RMRP: variants seen among roughly 807,000 people sequenced by gnomAD.
RMRP encodes the protein RNA component of mitochondrial RNA processing endoribonuclease, also known as RNase MRP RNA.
chr9:35,657,916 C>T lies in RMRP; in HGVS notation n.102G>A, dbSNP rs957362192. On this transcript the variant is annotated non_coding_transcript_exon_variant, in exon 1 of 1. Coordinates refer to ENST00000363046, the Ensembl canonical transcript of RMRP. ...CGGGGAATGTCTACGTGCGTATGCA[C>T]GTGGCACTCTCTGCCCGAGGTCCGG... 8 of 700,070 alleles carry T rather than the reference C, an allele frequency of 1.1e-5. No homozygotes were observed. The East Asian group carries it at 1.3e-4, about 12-fold the overall frequency. The allele number at this position is 700,070 out of a possible 1,614,324, so 43.4% of individuals were successfully genotyped here. A position where few individuals can be genotyped will look rare whatever the true frequency, so the allele number is the denominator to read the frequency against.
At chr9:35,657,819 AGCTGACGGATGACGCCC>A in exon 1 of RMRP, 1 of 700,394 alleles carries the variant, frequency 1.4e-6, no homozygotes, top group African/African-American at 1.7e-5. Context: ...AACTAGAGGG[AGCTGACGGATGACGCCC>A]CCGCGCCACG....
chr9:35,658,019 A>ACGTCCTCAGCTTT, upstream of RMRP: 1 of 690,034 alleles, frequency 1.4e-6, no homozygotes, highest in Non-Finnish European at 2.7e-6. Flanking sequence ...AGCACGAACC[A>ACGTCCTCAGCTTT]CGTCCTCAGC....
chr9:35,657,818 G>T, exon 1 of RMRP: 1 of 692,826 alleles, frequency 1.4e-6, no homozygotes, highest in Non-Finnish European at 2.6e-6. Context: ...TAACTAGAGG[G>T]AGCTGACGGA....
chr9:35,657,771 C>T, exon 1 of RMRP: 2 of 695,614 alleles, frequency 2.9e-6, no homozygotes, highest in Admixed American at 2.0e-5. Flanking sequence ...TGAGAATGAG[C>T]CCCGTGTGGT....
Position 35,657,939 on chromosome 9 carries a change from C to A in RMRP, n.79G>T, listed in dbSNP as rs756128568. The A allele has an allele frequency of 2.9e-6, 2 of 700,454 alleles. No individual in the cohort carries two copies. Among genetic ancestry groups the A allele is most frequent in the South Asian group, 1.5e-5 (1 of 67,508 alleles). The allele number at this position is 700,454 out of a possible 1,614,324, so 43.4% of individuals were successfully genotyped here. On this transcript the variant is annotated non_coding_transcript_exon_variant, in exon 1 of 1. Coordinates refer to ENST00000363046, the Ensembl canonical transcript of RMRP. ...CACGTGGCACTCTCTGCCCGAGGTCCGGGGACTTTCCCCTAGGCGGAAAGG... is the reference window on the plus strand; with the variant it reads ...CACGTGGCACTCTCTGCCCGAGGTCAGGGGACTTTCCCCTAGGCGGAAAGG...
chr9:35,657,979 C>G, exon 1 of RMRP: 1 of 700,426 alleles, frequency 1.4e-6, no homozygotes, highest in Non-Finnish European at 2.6e-6. Flanking sequence ...GAACAGAGTC[C>G]TCAGTGTGTA....
rs1428585182 is a variant in RMRP, at chr9:35,657,866, T to C, written n.152A>G. 1.4e-6 allele frequency: 1 copy of C among 693,258 alleles called. No individual in the cohort carries two copies. Among genetic ancestry groups the C allele is most frequent in the Non-Finnish European group, 2.6e-6 (1 of 384,616 alleles). The allele number at this position is 693,258 out of a possible 1,614,324, so 42.9% of individuals were successfully genotyped here. A position where few individuals can be genotyped will look rare whatever the true frequency, so the allele number is the denominator to read the frequency against. On this transcript the variant is annotated non_coding_transcript_exon_variant, in exon 1 of 1. Coordinates refer to ENST00000363046, the Ensembl canonical transcript of RMRP. ...GCCACGCCGCTCAGCGGGATACGCT[T>C]CTTGGCGGACTTTGGAGTGGGAAGC... is the stretch of plus-strand genomic sequence containing the variant.
chr9:35,657,864 C>T (rs752709977), exon 1 of RMRP: 6 of 692,950 alleles, frequency 8.7e-6, no homozygotes, highest in Non-Finnish European at 1.6e-5. Context: ...GCGGGATACG[C>T]TTCTTGGCGG....
rs1177828515 is a variant in RMRP, at chr9:35,657,761, T to C, written n.257A>G. 1 of 688,222 alleles carries C rather than the reference T, an allele frequency of 1.5e-6. No individual in the cohort carries two copies. The highest frequency in any genetic ancestry group is 2.7e-6 in the Non-Finnish European group (1 of 375,290). The allele number at this position is 688,222 out of a possible 1,614,324, so 42.6% of individuals were successfully genotyped here. ...TCTCGGGAACAAAAAACAGCCGCGC[T>C]GAGAATGAGCCCCGTGTGGTTGGTG... On this transcript the variant is annotated non_coding_transcript_exon_variant, in exon 1 of 1. Transcript: ENST00000363046.
Position 35,657,881 on chromosome 9 carries a change from G to A in RMRP, n.137C>T, listed in dbSNP as rs928825069. On this transcript the variant is annotated non_coding_transcript_exon_variant, in exon 1 of 1. Coordinates refer to ENST00000363046, the Ensembl canonical transcript of RMRP. Reference sequence around the variant, plus strand: ...GGGATACGCTTCTTGGCGGACTTTGGAGTGGGAAGCGGGGAATGTCTACGT... The same window carrying A: ...GGGATACGCTTCTTGGCGGACTTTGAAGTGGGAAGCGGGGAATGTCTACGT... The A allele has an allele frequency of 1.7e-5, 12 of 695,170 alleles. No homozygotes were observed. Among genetic ancestry groups the A allele is most frequent in the African/African-American group, 1.3e-4 (7 of 52,860 alleles). The allele number at this position is 695,170 out of a possible 1,614,324, so 43.1% of individuals were successfully genotyped here.
Position 35,657,785 on chromosome 9 carries a change from T to C in RMRP, n.233A>G, listed in dbSNP as rs1371155716. ...CTGAGAATGAGCCCCGTGTGGTTGG[T>C]GCGCGGACACGCACTGCCTGCGTAA... On this transcript the variant is annotated non_coding_transcript_exon_variant, in exon 1 of 1. Transcript: ENST00000363046. 24 of 697,766 alleles carry C rather than the reference T, an allele frequency of 3.4e-5. No homozygotes were observed. Among genetic ancestry groups the C allele is most frequent in the Admixed American group, 2.2e-4 (11 of 49,948 alleles). 43.2% of individuals were successfully genotyped at this position (697,766 alleles called of 1,614,324 possible).
rs752723025 is a variant in RMRP at position 35,657,928 on chromosome 9, T to G, written n.90A>C. On this transcript the variant is annotated non_coding_transcript_exon_variant, in exon 1 of 1. Coordinates refer to ENST00000363046, the Ensembl canonical transcript of RMRP. ...ACGTGCGTATGCACGTGGCACTCTC[T>G]GCCCGAGGTCCGGGGACTTTCCCCT... 95 of 700,344 alleles carry G rather than the reference T, an allele frequency of 1.4e-4. No homozygotes were observed. Among genetic ancestry groups the G allele is most frequent in the Middle Eastern group, 7.2e-4 (2 of 2,760 alleles). The allele number at this position is 700,344 out of a possible 1,614,324, so 43.4% of individuals were successfully genotyped here. A position where few individuals can be genotyped will look rare whatever the true frequency, so the allele number is the denominator to read the frequency against.
In RMRP at chr9:35,657,972, C is replaced by CA. The variant is rs1449922755; in HGVS notation, n.45dup. Reference sequence around the variant, plus strand: ...TTCCCCTAGGCGGAAAGGGGAGGAACAGAGTCCTCAGTGTGTAGCCTAGGA... The same window carrying CA: ...TTCCCCTAGGCGGAAAGGGGAGGAACAAGAGTCCTCAGTGTGTAGCCTAGGA... On this transcript the variant is annotated non_coding_transcript_exon_variant, in exon 1 of 1. Transcript: ENST00000363046. 2.0e-5 allele frequency: 14 copies of CA among 700,338 alleles called. No homozygotes were observed. Among genetic ancestry groups the CA allele is most frequent in the Admixed American group, 6.0e-5 (3 of 49,998 alleles). 43.4% of individuals were successfully genotyped at this position (700,338 alleles called of 1,614,324 possible). A position where few individuals can be genotyped will look rare whatever the true frequency, so the allele number is the denominator to read the frequency against.
At chr9:35,658,015 A>G (rs1023574374) in exon 1 of RMRP, 6 of 690,820 alleles carry the variant, frequency 8.7e-6, no homozygotes, top group East Asian at 5.4e-5. Context: ...CTTCAGCACG[A>G]ACCACGTCCT....
At position 35,657,948 on chromosome 9, in the gene RMRP, T is replaced by C. The variant is rs199476103; in HGVS notation, n.70A>G. 820 of 700,414 alleles carry C rather than the reference T, an allele frequency of 1.2e-3. 2 individuals carry two copies. The highest frequency in any genetic ancestry group is 8.6e-4 in the Admixed American group (43 of 50,016). 43.4% of individuals were successfully genotyped at this position (700,414 alleles called of 1,614,324 possible). A position where few individuals can be genotyped will look rare whatever the true frequency, so the allele number is the denominator to read the frequency against. On this transcript the variant is annotated non_coding_transcript_exon_variant, in exon 1 of 1. Transcript: ENST00000363046. ...CTCTCTGCCCGAGGTCCGGGGACTT[T>C]CCCCTAGGCGGAAAGGGGAGGAACA... is the stretch of plus-strand genomic sequence containing the variant.
rs1245480029 is a variant in RMRP, at chr9:35,657,951, C to T, written n.67G>A. On this transcript the variant is annotated non_coding_transcript_exon_variant, in exon 1 of 1. Transcript: ENST00000363046. ...TCTGCCCGAGGTCCGGGGACTTTCC[C>T]CTAGGCGGAAAGGGGAGGAACAGAG... 4 of 700,316 alleles carry T rather than the reference C, an allele frequency of 5.7e-6. No homozygotes were observed. The highest frequency in any genetic ancestry group is 2.0e-5 in the Admixed American group (1 of 49,994). The allele number at this position is 700,316 out of a possible 1,614,324, so 43.4% of individuals were successfully genotyped here.
chr9:35,657,955 G>A lies in RMRP; in HGVS notation n.63C>T, dbSNP rs786204684. ...CCCGAGGTCCGGGGACTTTCCCCTAGGCGGAAAGGGGAGGAACAGAGTCCT... is the reference window on the plus strand; with the variant it reads ...CCCGAGGTCCGGGGACTTTCCCCTAAGCGGAAAGGGGAGGAACAGAGTCCT... On this transcript the variant is annotated non_coding_transcript_exon_variant, in exon 1 of 1. Transcript: ENST00000363046. 33 of 700,332 alleles carry A rather than the reference G, an allele frequency of 4.7e-5. No homozygotes were observed. The highest frequency in any genetic ancestry group is 8.1e-5 in the Non-Finnish European group (31 of 384,818). The allele number at this position is 700,332 out of a possible 1,614,324, so 43.4% of individuals were successfully genotyped here.
At chr9:35,657,913 G>A (rs542778133) in exon 1 of RMRP, 50 of 699,960 alleles carry the variant, frequency 7.1e-5, no homozygotes, top group South Asian at 4.4e-4. Context: ...ACGTGCGTAT[G>A]CACGTGGCAC....
chr9:35,657,905 G>T lies in RMRP; in HGVS notation n.113C>A, dbSNP rs769331218. 7.2e-6 allele frequency: 5 copies of T among 699,102 alleles called. No individual in the cohort carries two copies. In the African/African-American group the frequency reaches 8.9e-5, roughly 12 times the overall value. 43.3% of individuals were successfully genotyped at this position (699,102 alleles called of 1,614,324 possible). On this transcript the variant is annotated non_coding_transcript_exon_variant, in exon 1 of 1. Coordinates refer to ENST00000363046, the Ensembl canonical transcript of RMRP. ...GGAGTGGGAAGCGGGGAATGTCTAC[G>T]TGCGTATGCACGTGGCACTCTCTGC...
Sources: allele counts gnomAD v4.1 joint callset, GRCh38; gene constraint gnomAD v4.1.1; transcripts MANE v1.5; gene names NCBI Gene and HGNC (gene_info 2026-07-23, HGNC 2026-07-21).